Variants in NCOA2 observed in about 807,000 individuals in gnomAD.
NCOA2 encodes nuclear receptor coactivator 2, also known as class E basic helix-loop-helix protein 75.
Under a neutral mutation model 145.1 loss-of-function variants are expected in NCOA2, and 21 were observed. That is an observed-to-expected ratio of 0.14 (90% CI 0.10 to 0.21). NCOA2 has a LOEUF of 0.21. NCOA2 is among the 10% of genes least tolerant of loss of function. NCOA2 has a pLI of 1.00. For missense variants in NCOA2, 1,472 were observed against 1,837.6 expected, an observed-to-expected ratio of 0.80 and a Z score of 3.64; for synonymous variants, 619 against 637.5, an observed-to-expected ratio of 0.97 and a Z score of 0.44.
intron 6 of NCOA2, among the ~76,000 whole-genome samples, chr8:70,169,990 C>T (rs1814053102): frequency 6.6e-6 from 1 of 152,032 alleles, no homozygotes; most frequent in Non-Finnish European, 1.5e-5. Context: ...CGAAAATGAT[C>T]ACTCATTTGA....
chr8:70,141,725 T>C (rs1810456798), intron 13 of NCOA2, among the ~76,000 whole-genome samples: 1 of 152,232 alleles, frequency 6.6e-6, no homozygotes, highest in Non-Finnish European at 1.5e-5. Context: ...TTAGCTGATA[T>C]ACACGTCAAT....
chr8:70,406,823 T>C (rs1814789694), upstream of NCOA2, among the ~76,000 whole-genome samples: 1 of 151,716 alleles, frequency 6.6e-6, no homozygotes, highest in African/African-American at 2.4e-5. Context: ...TTCTATACTA[T>C]TTTTGAGTTA....
At chr8:70,166,843 T>C (rs1813671715) in intron 6 of NCOA2, 89 bp from the exon 7 acceptor site, 4 of 1,213,874 alleles carry the variant, frequency 3.3e-6, no homozygotes, top group Admixed American at 2.2e-5. Flanking sequence ...AGGAAAAATA[T>C]GATTATTTCA....
chr8:70,263,323 T>G (rs1824294624), intron 2 of NCOA2, among the ~76,000 whole-genome samples: 1 of 151,206 alleles, frequency 6.6e-6, no homozygotes, highest in Non-Finnish European at 1.5e-5. Flanking sequence ...CAGAACCGTA[T>G]GCAATTTAAA....
intron 1 of NCOA2, among the ~76,000 whole-genome samples, chr8:70,342,266 T>C (rs1433722369): frequency 6.6e-6 from 1 of 152,168 alleles, no homozygotes; most frequent in Non-Finnish European, 1.5e-5. Flanking sequence ...TTTCAGCATC[T>C]TGAAAATTAA....
intron 2 of NCOA2, among the ~76,000 whole-genome samples, chr8:70,239,755 T>C (rs1821960452): frequency 6.6e-6 from 1 of 152,124 alleles, no homozygotes. Flanking sequence ...GAGAGAATTG[T>C]TCAGTGAGAA....
intron 9 of NCOA2, among the ~76,000 whole-genome samples, chr8:70,161,492 T>C (rs368504948): frequency 4.6e-5 from 7 of 151,876 alleles, no homozygotes; most frequent in Admixed American, 1.3e-4. Context: ...TTCTAAAAAA[T>C]AGGATGAATA....
intron 4 of NCOA2, among the ~76,000 whole-genome samples, chr8:70,204,250 C>T (rs996716723): frequency 4.6e-5 from 7 of 152,086 alleles, no homozygotes; most frequent in Admixed American, 2.0e-4. Context: ...TCAAGTGATC[C>T]GCCTGCCTCA....
At chr8:70,200,904 C>A (rs536535813) in intron 4 of NCOA2, among the ~76,000 whole-genome samples, 1 of 151,766 alleles carries the variant, frequency 6.6e-6, no homozygotes, top group South Asian at 2.1e-4. Flanking sequence ...CCAAAAAAGT[C>A]AAATGTGGTG....
chr8:70,329,314 G>A (rs1037773128), intron 1 of NCOA2, among the ~76,000 whole-genome samples: 2 of 151,690 alleles, frequency 1.3e-5, no homozygotes, highest in Non-Finnish European at 2.9e-5. Flanking sequence ...ATGGGAGTTC[G>A]CCATGTGGAT....
intron 1 of NCOA2, among the ~76,000 whole-genome samples, chr8:70,396,965 A>T (rs1318880007): frequency 1.3e-5 from 2 of 152,244 alleles, no homozygotes; most frequent in African/African-American, 4.8e-5. Flanking sequence ...TTTTGCTCAC[A>T]GGCACAGGAC....
At chr8:70,367,064 A>G (rs1810765180) in intron 1 of NCOA2, among the ~76,000 whole-genome samples, 1 of 152,250 alleles carries the variant, frequency 6.6e-6, no homozygotes, top group African/African-American at 2.4e-5. Context: ...AAGGACAATA[A>G]TAGCAACCCG....
chr8:70,405,477 G>T (rs1160321326), upstream of NCOA2, among the ~76,000 whole-genome samples: 2 of 79,168 alleles, frequency 2.5e-5, no homozygotes, highest in Non-Finnish European at 4.4e-5. Flanking sequence ...TAGCTAGCTG[G>T]AATAATAGAA....
chr8:70,406,816 T>G (rs1311145364), upstream of NCOA2, among the ~76,000 whole-genome samples: 1 of 152,210 alleles, frequency 6.6e-6, no homozygotes. Context: ...TGGGAGATTC[T>G]ATACTATTTT....
Position 70,272,224 on chromosome 8 carries a change from A to T in NCOA2, c.-20+24520T>A, listed in dbSNP as rs150716633. Among the ~76,000 whole-genome samples the T allele has an allele frequency of 3.6e-3, 547 of 152,216 alleles. 5 individuals are homozygous for T. Among genetic ancestry groups the T allele is most frequent in the African/African-American group, 0.012 (513 of 41,520 alleles). On this transcript the variant is annotated intron_variant, in intron 2 of 22. Transcript: ENST00000452400. ...TCTTCTTTTTTTAAACTGCCTGTAA[A>T]CTTTCATCACCAGTATTCTGCTACA...
chr8:70,160,659 C>CAGAG lies in NCOA2; in HGVS notation c.977-1011_977-1008dup, dbSNP rs776025101. Among the ~76,000 whole-genome samples, 99 of 132,252 alleles carry CAGAG rather than the reference C, an allele frequency of 7.5e-4. 1 individual carries two copies. The highest frequency in any genetic ancestry group is 2.8e-3 in the East Asian group (13 of 4,666). The allele number at this position is 132,252 out of a possible 152,430, so 86.8% of individuals were successfully genotyped here. A position where few individuals can be genotyped will look rare whatever the true frequency, so the allele number is the denominator to read the frequency against. ...CCACAAAACTGCCACAAGTGAGAGA[C>CAGAG]AGAGAGAGAGAGAGAGAGAGAGGGA... On this transcript the variant is annotated intron_variant, in intron 9 of 22. Coordinates refer to ENST00000452400, the MANE Select transcript of NCOA2 (RefSeq NM_006540.4).
chr8:70,353,896 G>C (rs908085737), intron 1 of NCOA2, among the ~76,000 whole-genome samples: 1 of 152,012 alleles, frequency 6.6e-6, no homozygotes, highest in Non-Finnish European at 1.5e-5. Context: ...CTTATAAATG[G>C]TTAAATATGG....
chr8:70,282,922 G>T (rs935361835), intron 2 of NCOA2, among the ~76,000 whole-genome samples: 6 of 152,188 alleles, frequency 3.9e-5, no homozygotes, highest in Non-Finnish European at 7.3e-5. Flanking sequence ...CTCACAGTGT[G>T]TGTGCATGTG....
the NCOA2 span, among the ~76,000 whole-genome samples, chr8:70,437,878 A>G: frequency 9.8e-5 from 15 of 152,300 alleles, no homozygotes; most frequent in South Asian, 2.9e-3. Flanking sequence ...ATTTTTCATG[A>G]GTTAAGTTTT....
Sources: allele counts gnomAD v4.1 joint callset (sites outside exome capture counted in the v4.1 genomes callset), GRCh38; gene constraint gnomAD v4.1.1; transcripts MANE v1.5; gene names NCBI Gene and HGNC (gene_info 2026-07-23, HGNC 2026-07-21).